Variants in DNAH11 observed in about 807,000 individuals in gnomAD.
DNAH11 encodes dynein axonemal heavy chain 11.
DNAH11 carries 442 observed loss-of-function variants against 526.0 expected under a neutral mutation model. The observed-to-expected ratio is 0.84, with a 90% confidence interval of 0.78 to 0.91. The LOEUF is 0.91. DNAH11 is among the 40% of genes least tolerant of loss of function. The probability of loss-of-function intolerance (pLI) is 0.00; values close to 1 mark genes in which losing one functional copy is unlikely to be tolerated. For missense variants in DNAH11, 6,989 were observed against 5,448.7 expected (o/e 1.28, Z -8.90); for synonymous variants, 2,461 against 1,935.9 (o/e 1.27, Z -7.12).
chr7:21,714,594 A>C (rs1218994451), intron 42 of DNAH11, among the ~76,000 whole-genome samples: 3 of 152,148 alleles, frequency 2.0e-5, no homozygotes, highest in African/African-American at 7.2e-5. Context: ...TTATTAACCC[A>C]ATTTTCCAAG....
At chr7:21,564,145 A>AAACAAACC in intron 5 of DNAH11, 41 bp from the exon 6 acceptor site, 2 of 1,458,646 alleles carry the variant, frequency 1.4e-6, no homozygotes, top group Non-Finnish European at 9.2e-7. Context: ...AAAAAAAAAA[A>AAACAAACC]ACAAACCAGA....
chr7:21,550,672 C>G (rs547215092), intron 2 of DNAH11, among the ~76,000 whole-genome samples: 1 of 152,124 alleles, frequency 6.6e-6, no homozygotes, highest in Non-Finnish European at 1.5e-5. Context: ...AATTTGAAAC[C>G]TTCCATAATT....
At chr7:21,900,817 G>C (rs548561240) in intron 81 of DNAH11, 190 bp from the exon 82 acceptor site, 2 of 807,626 alleles carry the variant, frequency 2.5e-6, no homozygotes, top group Admixed American at 3.1e-5. Flanking sequence ...AAGCAAAGCG[G>C]TGCCTCCGCT....
At chr7:21,717,275 A>G (rs1157523759) in intron 42 of DNAH11, among the ~76,000 whole-genome samples, 2 of 152,104 alleles carry the variant, frequency 1.3e-5, no homozygotes, top group African/African-American at 2.4e-5. Context: ...GAAACTCGTT[A>G]GCAGCTATCA....
chr7:21,804,234 G>A (rs935305957), intron 62 of DNAH11, among the ~76,000 whole-genome samples: 39 of 152,050 alleles, frequency 2.6e-4, no homozygotes, highest in African/African-American at 8.4e-4. Context: ...TCAGCCTCCC[G>A]AGTACCTGGG....
chr7:21,836,546 A>G (rs1782004606), intron 65 of DNAH11, among the ~76,000 whole-genome samples: 1 of 152,200 alleles, frequency 6.6e-6, no homozygotes, highest in South Asian at 2.1e-4. Context: ...CCACATGCAG[A>G]AAAATGAAAC....
At chr7:21,822,947 A>G (rs1159697537) in intron 65 of DNAH11, among the ~76,000 whole-genome samples, 2 of 124,016 alleles carry the variant, frequency 1.6e-5, no homozygotes, top group Non-Finnish European at 1.7e-5. Context: ...TTTTTAAATC[A>G]GATTATTTGC....
At chr7:21,841,042 G>A (rs1457326602) in intron 65 of DNAH11, among the ~76,000 whole-genome samples, 1 of 152,024 alleles carries the variant, frequency 6.6e-6, no homozygotes, top group Non-Finnish European at 1.5e-5. Context: ...AAATTAGCTG[G>A]GCGTGGTGGC....
chr7:21,709,163 C>T (rs187004375), intron 40 of DNAH11, among the ~76,000 whole-genome samples: 29 of 152,156 alleles, frequency 1.9e-4, no homozygotes, highest in South Asian at 1.2e-3. Context: ...ATAGCAAAGA[C>T]GTGGAATCAA....
chr7:21,700,651 C>T (rs1196958087), intron 36 of DNAH11, among the ~76,000 whole-genome samples: 1 of 152,146 alleles, frequency 6.6e-6, no homozygotes, highest in Non-Finnish European at 1.5e-5. Flanking sequence ...TATAAAGACA[C>T]ATGCACACAT....
At position 21,653,218 on chromosome 7, in the gene DNAH11, C is replaced by G. The variant is rs573242428; in HGVS notation, c.4945-2614C>G. Among the ~76,000 whole-genome samples the G allele has an allele frequency of 2.0e-5, 3 of 152,250 alleles. No homozygotes were observed. In the South Asian group the frequency reaches 6.2e-4, roughly 32 times the overall value. The stretch of plus-strand genomic sequence containing the variant: ...TTGTAAAATGAAAGGCCTTTCCGAA[C>G]AGCTCACTGGGAAGAAGGAATTTTA... On this transcript the variant is annotated intron_variant, in intron 28 of 81. Transcript: ENST00000409508.
At chr7:21,578,449 T>C (rs1002873040) in intron 8 of DNAH11, among the ~76,000 whole-genome samples, 2 of 152,256 alleles carry the variant, frequency 1.3e-5, no homozygotes, top group South Asian at 4.1e-4. Flanking sequence ...TCCACCCCTG[T>C]GGCTCTGCAG....
chr7:21,866,795 A>G (rs1783299510), intron 71 of DNAH11, 132 bp downstream of exon 71: 5 of 996,220 alleles, frequency 5.0e-6, no homozygotes, highest in Non-Finnish European at 7.0e-6. Flanking sequence ...AGATTTTGAT[A>G]TTATAATCAC....
chr7:21,809,792 C>G (rs1789429689), intron 63 of DNAH11, among the ~76,000 whole-genome samples: 1 of 152,110 alleles, frequency 6.6e-6, no homozygotes, highest in African/African-American at 2.4e-5. Context: ...TCTCAAACTC[C>G]TGACCTCAGG....
intron 45 of DNAH11, among the ~76,000 whole-genome samples, chr7:21,732,348 A>AG (rs1158169606): frequency 6.6e-6 from 1 of 152,170 alleles, no homozygotes; most frequent in African/African-American, 2.4e-5. Context: ...AGATTGGGTT[A>AG]GGGCTCAGTC....
rs1785358795 is a variant in DNAH11, at chr7:21,607,850, A to G, written c.3852+1117A>G. 2.0e-5 allele frequency among the ~76,000 whole-genome samples: 3 copies of G among 147,160 alleles called. No individual in the cohort carries two copies. In the South Asian group the frequency reaches 6.6e-4, roughly 32 times the overall value. ...CTACTCAGGAGGCTGAGGCAGGGGA[A>G]TCTCTTGAACCCAGGAGGCAGAGAT... On this transcript the variant is annotated intron_variant, in intron 20 of 81. Coordinates refer to ENST00000409508, the MANE Select transcript of DNAH11 (RefSeq NM_001277115.2).
At chr7:21,884,718 T>C (rs1345815090) in intron 76 of DNAH11, among the ~76,000 whole-genome samples, 1 of 152,220 alleles carries the variant, frequency 6.6e-6, no homozygotes, top group African/African-American at 2.4e-5. Flanking sequence ...GAGCTGACGC[T>C]GTTATTCCCT....
At position 21,801,264 on chromosome 7, in the gene DNAH11, A is replaced by G; in HGVS notation, c.10154A>G (p.Glu3385Gly). The G allele has an allele frequency of 6.2e-7, 1 of 1,613,906 alleles. No individual in the cohort carries two copies. Among genetic ancestry groups the G allele is most frequent in the Non-Finnish European group, 8.5e-7 (1 of 1,179,864 alleles). ...AAATTAGCTAACAGACTTGTCAAGG[A>G]ACTTGAGGCAAGTTAAACCTTTTCT... ...TIKLANRLVKELEAKKIRWGQ... is the reference protein window; with the variant it reads ...TIKLANRLVKGLEAKKIRWGQ... Residue 3385 changes from glutamate (E) to glycine (G), a missense_variant, in exon 62 of 82, where the codon GAA (glutamate) becomes GGA (glycine). By Grantham distance (98) the Glu-to-Gly change is moderately conservative (BLOSUM62 -2). Transcript: ENST00000409508.
chr7:21,754,030 T>C lies in DNAH11; in HGVS notation c.8940+3666T>C, dbSNP rs1022474707. On this transcript the variant is annotated intron_variant, in intron 54 of 81. Coordinates refer to ENST00000409508, the MANE Select transcript of DNAH11 (RefSeq NM_001277115.2). ...AACAGCTACCTTACTGTCTCTCTTATAGTTTATAATAGTTGGTTGATATCA... is the reference window on the plus strand; with the variant it reads ...AACAGCTACCTTACTGTCTCTCTTACAGTTTATAATAGTTGGTTGATATCA... Among the ~76,000 whole-genome samples the C allele has an allele frequency of 3.3e-5, 5 of 152,228 alleles. No individual in the cohort carries two copies. The South Asian group carries it at 6.2e-4, about 19-fold the overall frequency.
Sources: allele counts gnomAD v4.1 joint callset (sites outside exome capture counted in the v4.1 genomes callset), GRCh38; gene constraint gnomAD v4.1.1; transcripts MANE v1.5; gene names NCBI Gene and HGNC (gene_info 2026-07-23, HGNC 2026-07-21).